The following CCNH variants were observed in gnomAD, a reference collection of about 807,000 sequenced individuals.
CCNH encodes cyclin-H.
Under a neutral mutation model 41.9 loss-of-function variants are expected in CCNH, and 31 were observed. The ratio of observed to expected loss-of-function variants is 0.74; its 90% CI spans 0.56 to 1.00. The LOEUF is 1.00. Among genes scored for constraint, CCNH ranks in the 50% least tolerant of loss-of-function variants. The pLI is 0.00. For missense variants in CCNH, 362 were observed against 388.4 expected (o/e 0.93, Z 0.57); for synonymous variants, 138 against 136.1 (o/e 1.01, Z -0.10).
chr5:87,371,671 G>C (rs1344216153), downstream of CCNH, among the ~76,000 whole-genome samples: 1 of 151,994 alleles, frequency 6.6e-6, no homozygotes, highest in Non-Finnish European at 1.5e-5. Context: ...CATGGGATCG[G>C]TCATCACATT....
chr5:87,365,797 C>T (rs992839722), intron 9 of CCNH, among the ~76,000 whole-genome samples: 56 of 151,624 alleles, frequency 3.7e-4, no homozygotes, highest in Admixed American at 3.6e-3. Context: ...CAAAGAAGGT[C>T]CTATGGAAAT....
intron 9 of CCNH, among the ~76,000 whole-genome samples, chr5:87,323,385 A>G (rs1027053061): frequency 2.0e-5 from 3 of 152,204 alleles, no homozygotes; most frequent in Non-Finnish European, 2.9e-5. Flanking sequence ...TAGTAGAAAA[A>G]TGGGCATATT....
intron 9 of CCNH, among the ~76,000 whole-genome samples, chr5:87,350,925 T>C (rs890734172): frequency 2.6e-5 from 4 of 151,738 alleles, no homozygotes; most frequent in African/African-American, 7.2e-5. Flanking sequence ...TTTGGAAATA[T>C]ATATTTCATT....
At chr5:87,326,810 C>T (rs1268623901) in intron 9 of CCNH, among the ~76,000 whole-genome samples, 4 of 151,982 alleles carry the variant, frequency 2.6e-5, no homozygotes, top group Non-Finnish European at 2.9e-5. Flanking sequence ...AATTTGAATG[C>T]TCTATAATGT....
intron 9 of CCNH, chr5:87,353,276 T>A: frequency 2.1e-6 from 3 of 1,458,260 alleles, no homozygotes; most frequent in Non-Finnish European, 2.9e-6. Context: ...AGCATTTTAT[T>A]TTAAAATGCA....
At chr5:87,318,504 T>A (rs765074921) in exon 10 of CCNH, 1 of 153,268 alleles carries the variant, frequency 6.5e-6, no homozygotes, top group African/African-American at 2.4e-5. Context: ...CTTACAGTCA[T>A]GGTAGAAGGC....
At chr5:87,379,657 ATAAC>A (rs1355896297), upstream of CCNH, 2 of 1,558,926 alleles carry the variant, frequency 1.3e-6, no homozygotes, top group African/African-American at 1.4e-5. Flanking sequence ...CTCGAAAACT[ATAAC>A]TACTTGTTTT....
intron 4 of CCNH, among the ~76,000 whole-genome samples, chr5:87,407,432 A>C (rs539152283): frequency 6.6e-6 from 1 of 152,324 alleles, no homozygotes; most frequent in Non-Finnish European, 1.5e-5. Context: ...TTCGACTCAG[A>C]CTATCCAACT....
chr5:87,410,016 A>G (rs1764107900), intron 2 of CCNH, among the ~76,000 whole-genome samples: 1 of 152,218 alleles, frequency 6.6e-6, no homozygotes, highest in Non-Finnish European at 1.5e-5. Flanking sequence ...AATGAGGTTA[A>G]CTGACTTATC....
intron 4 of CCNH, among the ~76,000 whole-genome samples, chr5:87,407,171 T>C (rs1387204878): frequency 6.6e-6 from 1 of 152,216 alleles, no homozygotes; most frequent in Non-Finnish European, 1.5e-5. Flanking sequence ...AATTTTATTT[T>C]AAATGATACG....
chr5:87,376,081 C>T (rs1345354681), downstream of CCNH, among the ~76,000 whole-genome samples: 1 of 152,096 alleles, frequency 6.6e-6, no homozygotes, highest in South Asian at 2.1e-4. Context: ...ACTCGAATAG[C>T]ATTCACCACT....
intron 9 of CCNH, among the ~76,000 whole-genome samples, chr5:87,332,313 G>GTA: frequency 6.6e-6 from 1 of 152,188 alleles, no homozygotes; most frequent in Non-Finnish European, 1.5e-5. Context: ...TCAAATGCAT[G>GTA]TATATATATG....
intron 9 of CCNH, among the ~76,000 whole-genome samples, chr5:87,351,892 A>G (rs900734543): frequency 7.9e-5 from 12 of 151,910 alleles, no homozygotes; most frequent in African/African-American, 2.9e-4. Flanking sequence ...TTGAGGTGCT[A>G]CAGTGGATTG....
downstream of CCNH, among the ~76,000 whole-genome samples, chr5:87,388,587 A>G (rs1762232116): frequency 6.6e-6 from 1 of 152,198 alleles, no homozygotes; most frequent in Non-Finnish European, 1.5e-5. Context: ...GTGATATTCA[A>G]CCTATACTAT....
intron 4 of CCNH, among the ~76,000 whole-genome samples, chr5:87,405,217 T>TA (rs1456279881): frequency 2.0e-5 from 3 of 152,198 alleles, no homozygotes; most frequent in Non-Finnish European, 1.5e-5. Flanking sequence ...GGGAAGCTCT[T>TA]AGAGATTCCA....
At chr5:87,351,352 G>A (rs1759261861) in intron 9 of CCNH, among the ~76,000 whole-genome samples, 1 of 151,726 alleles carries the variant, frequency 6.6e-6, no homozygotes, top group East Asian at 1.9e-4. Flanking sequence ...AGTATGGTAT[G>A]CAGAATGTGA....
intron 9 of CCNH, among the ~76,000 whole-genome samples, chr5:87,337,440 G>GT (rs930735537): frequency 1.8e-4 from 28 of 151,890 alleles, no homozygotes; most frequent in Admixed American, 4.6e-4. Context: ...ACAAGCCCTG[G>GT]TTTTTTTATA....
chr5:87,349,081 TA>T (rs543373516), intron 9 of CCNH: 1,844 of 1,023,118 alleles, frequency 1.8e-3, no homozygotes, highest in Middle Eastern at 2.4e-3. Context: ...GAAATTATCT[TA>T]AAAAAAAAAC....
intron 9 of CCNH, among the ~76,000 whole-genome samples, chr5:87,360,600 A>G (rs1037683905): frequency 2.0e-5 from 3 of 152,210 alleles, no homozygotes; most frequent in African/African-American, 7.2e-5. Flanking sequence ...TTTTATACAA[A>G]GGCCCTTTAA....
Sources: gnomAD v4.1 joint callset for allele counts (sites outside exome capture counted in the v4.1 genomes callset) on GRCh38, gnomAD v4.1.1 for gene constraint, MANE v1.5 for transcripts, NCBI Gene and HGNC (gene_info 2026-07-23, HGNC 2026-07-21) for gene names.